Variants in SLC9A2 observed in about 807,000 individuals in gnomAD.
SLC9A2 encodes the protein solute carrier family 9 member A2.
A neutral mutation model predicts 71.7 loss-of-function variants in SLC9A2; 42 were observed. That is an observed-to-expected ratio of 0.59 (90% CI 0.46 to 0.76). The LOEUF (loss-of-function observed/expected upper bound fraction) is 0.76. Among genes scored for constraint, SLC9A2 ranks in the 30% least tolerant of loss-of-function variants. The probability of loss-of-function intolerance (pLI) is 0.00; values close to 1 mark genes in which losing one functional copy is unlikely to be tolerated. For synonymous variants in SLC9A2, 396 were observed against 392.5 expected (o/e 1.01, Z -0.10); for missense variants, 829 against 1,017.4 (o/e 0.81, Z 2.52).
At chr2:102,687,914 G>A (rs956378197) in intron 5 of SLC9A2, among the ~76,000 whole-genome samples, 6 of 151,936 alleles carry the variant, frequency 3.9e-5, no homozygotes, top group African/African-American at 1.5e-4. Context: ...TGAGTAGCTG[G>A]GATTACAGAA....
rs1361191978 is a variant in SLC9A2, at chr2:102,684,223, C to T, written c.1312C>T (p.Arg438Ter). 6 of 1,613,948 alleles carry T rather than the reference C, an allele frequency of 3.7e-6. No individual in the cohort carries two copies. The highest frequency in any genetic ancestry group is 1.7e-5 in the Admixed American group (1 of 59,992). The stretch of plus-strand genomic sequence containing the variant: ...GTTCATCATTGCCTATGGAGGACTT[C>T]GAGGTGCCATCTGTTTTGCGTTAGT... ...DQFIIAYGGL[R>*]GAICFALVFL... The change falls in exon 5 of 12, where the codon CGA (arginine) becomes TGA (stop). Residue 438 changes from arginine to a stop codon, truncating the protein, a stop_gained. Transcript: ENST00000233969. LOFTEE classifies it high-confidence loss of function.
chr2:102,697,755 G>T (rs1268871667), intron 7 of SLC9A2, among the ~76,000 whole-genome samples: 1 of 151,142 alleles, frequency 6.6e-6, no homozygotes, highest in Non-Finnish European at 1.5e-5. Flanking sequence ...CTTGGTGATT[G>T]TTAATGTTAC....
intron 1 of SLC9A2, among the ~76,000 whole-genome samples, chr2:102,652,718 G>T (rs551000950): frequency 2.0e-5 from 3 of 152,184 alleles, no homozygotes; most frequent in East Asian, 3.9e-4. Context: ...CTACACAGTA[G>T]GTCATACTTG....
chr2:102,702,325 A>T (rs893320207), intron 8 of SLC9A2, 81 bp from the exon 9 acceptor site: 2 of 775,282 alleles, frequency 2.6e-6, no homozygotes, highest in African/African-American at 3.6e-5. Context: ...CTTGTCTTAA[A>T]TACTTATATC....
chr2:102,685,140 A>T (rs948883818), intron 5 of SLC9A2, among the ~76,000 whole-genome samples: 2 of 152,216 alleles, frequency 1.3e-5, no homozygotes, highest in Non-Finnish European at 2.9e-5. Context: ...GAAAAATGAG[A>T]TTTGAGCAAA....
chr2:102,694,973 G>A (rs1677727099), intron 6 of SLC9A2, 70 bp from the exon 7 acceptor site: 1 of 1,301,714 alleles, frequency 7.7e-7, no homozygotes, highest in South Asian at 1.2e-5. Flanking sequence ...GTTTAGAAAT[G>A]ATACAAGTAG....
At chr2:102,659,274 CA>C (rs11297336) in intron 2 of SLC9A2, among the ~76,000 whole-genome samples, 79,337 of 130,364 alleles carry the variant, frequency 0.61, 22,835 homozygotes, top group East Asian at 0.81. Context: ...ACTAAAAATA[CA>C]AAAAAAAAAA....
intron 7 of SLC9A2, among the ~76,000 whole-genome samples, chr2:102,695,607 C>G (rs1434648874): frequency 2.6e-5 from 4 of 151,502 alleles, no homozygotes; most frequent in Non-Finnish European, 5.9e-5. Context: ...TATGGCCATT[C>G]CTGTCTGCAA....
intron 1 of SLC9A2, among the ~76,000 whole-genome samples, chr2:102,654,193 C>CGCTTTTT (rs1461135239): frequency 8.9e-6 from 1 of 112,904 alleles, no homozygotes; most frequent in African/African-American, 4.2e-5. Context: ...TGTTGGCTGA[C>CGCTTTTT]TCTTTTTTTT....
At chr2:102,642,639 TTGTCTGGTTTGGTATC>T (rs1328513279) in intron 1 of SLC9A2, among the ~76,000 whole-genome samples, 2 of 152,198 alleles carry the variant, frequency 1.3e-5, no homozygotes, top group Non-Finnish European at 2.9e-5. Context: ...GGTACTGCTC[TTGTCTGGTTTGGTATC>T]TGTCAGGGCA....
At chr2:102,635,819 T>C (rs1676458523) in intron 1 of SLC9A2, among the ~76,000 whole-genome samples, 1 of 152,186 alleles carries the variant, frequency 6.6e-6, no homozygotes, top group Admixed American at 6.5e-5. Flanking sequence ...ATGGTTTTGC[T>C]AAAGGGATTT....
chr2:102,702,262 G>T, intron 8 of SLC9A2, 144 bp from the exon 9 acceptor site: 1 of 541,632 alleles, frequency 1.8e-6, no homozygotes. Context: ...ACAGAATTTG[G>T]AATTATTTTA....
Position 102,695,034 on chromosome 2 carries a change from C to A in SLC9A2, c.1516-9C>A, listed in dbSNP as rs780975189. The A allele has an allele frequency of 5.0e-6, 8 of 1,611,860 alleles. No individual in the cohort carries two copies. The African/African-American group carries it at 1.1e-4, about 22-fold the overall frequency. ...AGACTAATCAATTTGCCTGCTTTTT[C>A]TGTTTTAGTTGTTTGATCATGTGAA... is the stretch of plus-strand genomic sequence containing the variant. On this transcript the variant is annotated splice_polypyrimidine_tract_variant and intron_variant, in intron 6 of 11. Coordinates refer to ENST00000233969, the MANE Select transcript of SLC9A2 (RefSeq NM_003048.6).
intron 1 of SLC9A2, among the ~76,000 whole-genome samples, chr2:102,643,127 CAG>C (rs749642493): frequency 3.3e-5 from 5 of 152,130 alleles, no homozygotes; most frequent in Non-Finnish European, 7.4e-5. Flanking sequence ...TTTTGTCAGT[CAG>C]GGGTCAAAAG....
intron 1 of SLC9A2, among the ~76,000 whole-genome samples, chr2:102,631,549 T>A (rs1339692406): frequency 6.6e-6 from 1 of 152,016 alleles, no homozygotes; most frequent in African/African-American, 2.4e-5. Flanking sequence ...TTTCCTTAAT[T>A]TTGAACTCAG....
At chr2:102,649,352 A>G (rs548946875) in intron 1 of SLC9A2, among the ~76,000 whole-genome samples, 2 of 152,322 alleles carry the variant, frequency 1.3e-5, no homozygotes, top group Admixed American at 6.5e-5. Flanking sequence ...TAAGTGTAAA[A>G]CCTAAAACCA....
intron 7 of SLC9A2, chr2:102,697,589 A>G (rs1009017346): frequency 2.7e-5 from 4 of 147,646 alleles, no homozygotes; most frequent in Admixed American, 6.7e-5. Flanking sequence ...TTTCAGCACC[A>G]CATCCCCCCG....
At chr2:102,691,208 T>C (rs1007424888) in intron 5 of SLC9A2, among the ~76,000 whole-genome samples, 1 of 152,202 alleles carries the variant, frequency 6.6e-6, no homozygotes, top group East Asian at 1.9e-4. Flanking sequence ...TTAGTATGTA[T>C]GCCAAAGTGA....
At chr2:102,668,478 C>A (rs1677185907) in intron 3 of SLC9A2, among the ~76,000 whole-genome samples, 1 of 152,186 alleles carries the variant, frequency 6.6e-6, no homozygotes, top group South Asian at 2.1e-4. Context: ...ACACGCCTTA[C>A]AGAACTAGTC....
Sources: allele counts gnomAD v4.1 joint callset (sites outside exome capture counted in the v4.1 genomes callset), GRCh38; gene constraint gnomAD v4.1.1; transcripts MANE v1.5; gene names NCBI Gene and HGNC (gene_info 2026-07-23, HGNC 2026-07-21).